The following UBAC2 variants were observed in gnomAD, a reference collection of about 807,000 sequenced individuals.
UBAC2 encodes UBA domain containing 2.
Under a neutral mutation model 44.0 loss-of-function variants are expected in UBAC2, and 26 were observed. The ratio of observed to expected loss-of-function variants is 0.59; its 90% confidence interval spans 0.43 to 0.82. The LOEUF is 0.82. Among genes scored for constraint, UBAC2 ranks in the 40% least tolerant of loss-of-function variants. The pLI, the probability that UBAC2 is intolerant of heterozygous loss-of-function variation, is 0.00. For synonymous variants in UBAC2, 155 were observed against 154.3 expected (o/e 1.00, Z -0.04); for missense variants, 329 against 419.4 (o/e 0.78, Z 1.88).
chr13:99,245,669 C>T (rs2043374827), intron 4 of UBAC2, among the ~76,000 whole-genome samples: 1 of 152,184 alleles, frequency 6.6e-6, no homozygotes, highest in Admixed American at 6.5e-5. Context: ...GGTGAAACCC[C>T]ATCTCTACTA....
At chr13:99,300,841 G>A in intron 4 of UBAC2, among the ~76,000 whole-genome samples, 1 of 152,154 alleles carries the variant, frequency 6.6e-6, no homozygotes, top group South Asian at 2.1e-4. Flanking sequence ...CTCACTTTGT[G>A]CATTACAGTG....
intron 4 of UBAC2, among the ~76,000 whole-genome samples, chr13:99,287,646 T>TC (rs1412650434): frequency 4.9e-4 from 50 of 102,068 alleles, no homozygotes; most frequent in Admixed American, 1.8e-3. Flanking sequence ...TTTCTTTCTT[T>TC]TTTTTTTTTT....
chr13:99,248,227 T>C (rs887785941), intron 4 of UBAC2, among the ~76,000 whole-genome samples: 23 of 152,254 alleles, frequency 1.5e-4, no homozygotes, highest in Admixed American at 7.8e-4. Context: ...TTTCTTTCTT[T>C]TATTTTATTT....
intron 4 of UBAC2, among the ~76,000 whole-genome samples, chr13:99,271,397 A>G (rs971174780): frequency 6.6e-6 from 1 of 152,184 alleles, no homozygotes; most frequent in African/African-American, 2.4e-5. Context: ...AGATGGGACC[A>G]TCCCGTACGT....
chr13:99,297,964 T>G (rs1293842702), intron 4 of UBAC2, among the ~76,000 whole-genome samples: 1 of 151,898 alleles, frequency 6.6e-6, no homozygotes, highest in African/African-American at 2.4e-5. Context: ...AAAAATAGAA[T>G]TCAAGGCAAA....
intron 5 of UBAC2, among the ~76,000 whole-genome samples, chr13:99,316,668 A>G (rs1217865047): frequency 6.6e-6 from 1 of 152,232 alleles, no homozygotes; most frequent in Non-Finnish European, 1.5e-5. Context: ...ATAGGCAGAC[A>G]TAATGGGGAC....
intron 1 of UBAC2, among the ~76,000 whole-genome samples, chr13:99,211,195 G>A (rs1241700842): frequency 6.6e-6 from 1 of 152,166 alleles, no homozygotes; most frequent in African/African-American, 2.4e-5. Flanking sequence ...TATGAGGATA[G>A]GTATTGTTAT....
At chr13:99,244,384 T>TATGCATGTGTGTATATACACACAC (rs1200608350) in intron 3 of UBAC2, 131 bp from the exon 4 acceptor site, 7 of 591,148 alleles carry the variant, frequency 1.2e-5, no homozygotes, top group African/African-American at 3.8e-5. Flanking sequence ...TATACACACA[T>TATGCATGTGTGTATATACACACAC]ATGCATGTGT....
intron 1 of UBAC2, among the ~76,000 whole-genome samples, chr13:99,233,262 A>C (rs1393078593): frequency 6.6e-6 from 1 of 151,834 alleles, no homozygotes; most frequent in Non-Finnish European, 1.5e-5. Flanking sequence ...GCAGGCACGC[A>C]CCACCATGCC....
At position 99,343,329 on chromosome 13, in the gene UBAC2, T is replaced by G. The variant is rs182013546; in HGVS notation, c.807+2764T>G. 5.3e-5 allele frequency among the ~76,000 whole-genome samples: 8 copies of G among 152,180 alleles called. No individual in the cohort carries two copies. In the East Asian group the frequency reaches 1.5e-3, roughly 29 times the overall value. ...GCTCCAGGATTCTACGGACCCCCAT[T>G]GTGGTTCTCCTTTCCTGCCTTGCTG... On this transcript the variant is annotated intron_variant, in intron 7 of 8. Transcript: ENST00000403766.
chr13:99,306,610 T>C (rs1789406720), intron 4 of UBAC2, among the ~76,000 whole-genome samples: 1 of 152,192 alleles, frequency 6.6e-6, no homozygotes, highest in Admixed American at 6.5e-5. Context: ...AAGTTTCTGT[T>C]ACCACCATTC....
chr13:99,328,712 A>G (rs1395623849), intron 6 of UBAC2, among the ~76,000 whole-genome samples: 1 of 152,214 alleles, frequency 6.6e-6, no homozygotes, highest in African/African-American at 2.4e-5. Context: ...CTGACTTAAA[A>G]TAATTCTTTA....
chr13:99,288,758 C>T (rs1273163469), intron 4 of UBAC2, among the ~76,000 whole-genome samples: 1 of 152,192 alleles, frequency 6.6e-6, no homozygotes, highest in Non-Finnish European at 1.5e-5. Context: ...TATTAGTTAT[C>T]TGTTGCTGCC....
intron 4 of UBAC2, chr13:99,254,653 A>G (rs1002470610): frequency 9.2e-6 from 4 of 434,932 alleles, no homozygotes; most frequent in African/African-American, 6.1e-5. Flanking sequence ...AGAAATGCAA[A>G]AAGTTAATTA....
chr13:99,385,702 G>T lies in UBAC2; in HGVS notation c.*367G>T, dbSNP rs150422263. ...CTTACTGTAACATGTCATCTCCTGCGTCGTGATGGGGAGAGGGTAATGTTA... is the reference window on the plus strand; with the variant it reads ...CTTACTGTAACATGTCATCTCCTGCTTCGTGATGGGGAGAGGGTAATGTTA... On this transcript the variant is annotated 3_prime_UTR_variant, in exon 9 of 9. Coordinates refer to ENST00000403766, the MANE Select transcript of UBAC2 (RefSeq NM_001144072.2). The T allele has an allele frequency of 4.7e-6, 1 of 213,634 alleles. No homozygotes were observed. The highest frequency in any genetic ancestry group is 2.2e-5 in the African/African-American group (1 of 44,604). 13.2% of individuals were successfully genotyped at this position (213,634 alleles called of 1,614,324 possible).
chr13:99,258,514 T>C (rs191642874), intron 4 of UBAC2: 1 of 152,334 alleles, frequency 6.6e-6, no homozygotes, highest in Non-Finnish European at 1.5e-5. Context: ...TGATGGCATA[T>C]ATTTAAGATA....
intron 6 of UBAC2, among the ~76,000 whole-genome samples, chr13:99,335,010 G>A (rs2044766783): frequency 6.6e-6 from 1 of 152,162 alleles, no homozygotes; most frequent in African/African-American, 2.4e-5. Context: ...TTCTCTATGA[G>A]TATTACTAAA....
intron 4 of UBAC2, among the ~76,000 whole-genome samples, chr13:99,278,650 C>T (rs958056285): frequency 4.6e-5 from 7 of 151,942 alleles, no homozygotes; most frequent in African/African-American, 1.5e-4. Flanking sequence ...AAATTTGAAG[C>T]GATCACATTA....
At chr13:99,255,301 C>A in intron 4 of UBAC2, 1 of 1,613,980 alleles carries the variant, frequency 6.2e-7, no homozygotes, top group South Asian at 1.1e-5. Context: ...AAATGTCAGT[C>A]GAGTGAGGTT....
Sources: gnomAD v4.1 joint callset for allele counts (sites outside exome capture counted in the v4.1 genomes callset) on GRCh38, gnomAD v4.1.1 for gene constraint, MANE v1.5 for transcripts, NCBI Gene and HGNC (gene_info 2026-07-23, HGNC 2026-07-21) for gene names.